BRCA1: variants seen among roughly 807,000 people sequenced by gnomAD.
BRCA1 encodes breast cancer type 1 susceptibility protein.
Under a neutral mutation model 173.7 loss-of-function variants are expected in BRCA1, and 140 were observed. The observed-to-expected ratio is 0.81, with a 90% confidence interval of 0.70 to 0.93. The LOEUF is 0.93. Among genes scored for constraint, BRCA1 ranks in the 40% least tolerant of loss-of-function variants. The pLI is 0.00. For synonymous variants in BRCA1, 662 were observed against 756.0 expected (o/e 0.88, Z 2.04); for missense variants, 1,983 against 2,172.5 (o/e 0.91, Z 1.73).
intron 2 of BRCA1, among the ~76,000 whole-genome samples, chr17:43,116,391 G>T (rs2154566415): frequency 6.6e-6 from 1 of 152,206 alleles, no homozygotes; most frequent in Middle Eastern, 3.4e-3. Flanking sequence ...TTTAAGATAA[G>T]GTCACACTCT....
chr17:43,059,166 C>A (rs2051636992), intron 18 of BRCA1, among the ~76,000 whole-genome samples: 1 of 152,086 alleles, frequency 6.6e-6, no homozygotes, highest in South Asian at 2.1e-4. Context: ...GTATACATCT[C>A]AAAATTCATG....
rs2052940373 is a variant in BRCA1, at chr17:43,080,211, C to T, written c.4357+2193G>A. On this transcript the variant is annotated intron_variant, in intron 12 of 22. Coordinates refer to ENST00000357654, the MANE Select transcript of BRCA1 (RefSeq NM_007294.4). Reference sequence around the variant, plus strand: ...ACCAAACATTTAATAAACTTACAGACTGCCCACTGTGTGCTAAGCATTGTA... The same window carrying T: ...ACCAAACATTTAATAAACTTACAGATTGCCCACTGTGTGCTAAGCATTGTA... Among the ~76,000 whole-genome samples, 3 of 152,316 alleles carry T rather than the reference C, an allele frequency of 2.0e-5. No homozygotes were observed. In the South Asian group the frequency reaches 6.2e-4, roughly 32 times the overall value.
At position 43,104,922 on chromosome 17, in the gene BRCA1, CA is replaced by C. The variant is rs886040039; in HGVS notation, c.246del (p.Val83LeufsTer5). ...CAAATGATTTTCAATAGCTCTTCAA[CA>C]AGTTGACTAAATCTCGTACTTTCTT... ...SLQESTRFSQ[L>X]VEELLKIICA... On this transcript the variant is annotated frameshift_variant, in exon 5 of 23. Transcript: ENST00000357654. LOFTEE classifies it high-confidence loss of function. 1.2e-6 allele frequency: 2 copies of C among 1,613,902 alleles called. No individual in the cohort carries two copies. The highest frequency in any genetic ancestry group is 1.7e-6 in the Non-Finnish European group (2 of 1,179,974).
intron 11 of BRCA1, among the ~76,000 whole-genome samples, chr17:43,090,547 G>A (rs946233021): frequency 2.0e-5 from 3 of 152,116 alleles, no homozygotes; most frequent in African/African-American, 7.2e-5. Flanking sequence ...GCTAATTTTT[G>A]TATTTTTAGT....
chr17:43,057,286 G>T, intron 18 of BRCA1, 151 bp from the exon 19 acceptor site: 1 of 746,852 alleles, frequency 1.3e-6, no homozygotes, highest in Admixed American at 1.9e-5. Flanking sequence ...GAGGCAGGCA[G>T]ATCACTTGAG....
rs3092995 is a variant in BRCA1, at chr17:43,045,642, G to A, written c.*36C>T. 3.1e-6 allele frequency: 5 copies of A among 1,613,324 alleles called. No individual in the cohort carries two copies. Among genetic ancestry groups the A allele is most frequent in the African/African-American group, 2.7e-5 (2 of 74,862 alleles). On this transcript the variant is annotated 3_prime_UTR_variant, in exon 23 of 23. Transcript: ENST00000357654. ...AAGGCCACTTTGTAAGCTCATTCTTGGGGTCCTGTGGCTCTGTACCTGTGG... is the reference window on the plus strand; with the variant it reads ...AAGGCCACTTTGTAAGCTCATTCTTAGGGTCCTGTGGCTCTGTACCTGTGG...
At chr17:43,127,733 A>C (rs553199924), upstream of BRCA1, among the ~76,000 whole-genome samples, 1 of 152,268 alleles carries the variant, frequency 6.6e-6, no homozygotes, top group African/African-American at 2.4e-5. Context: ...GAATAAAAGC[A>C]GGCTGCCCCG....
intron 19 of BRCA1, among the ~76,000 whole-genome samples, chr17:43,056,299 G>A (rs2051456166): frequency 6.6e-6 from 1 of 151,236 alleles, no homozygotes; most frequent in Non-Finnish European, 1.5e-5. Flanking sequence ...TCAGCCTTCC[G>A]AGTAGCTGGA....
chr17:43,062,276 G>A (rs955154799), intron 18 of BRCA1, among the ~76,000 whole-genome samples: 2 of 151,858 alleles, frequency 1.3e-5, no homozygotes, highest in Admixed American at 1.3e-4. Context: ...AAAAAATTTT[G>A]TGGAGACAGA....
intron 1 of BRCA1, chr17:43,145,078 G>A (rs1353460406): frequency 7.3e-6 from 6 of 817,772 alleles, no homozygotes; most frequent in Middle Eastern, 2.4e-4. Flanking sequence ...AGGCAGCAGC[G>A]AAGGATAAAT....
chr17:43,166,245 TCTTTC>T (rs2056267586), intron 1 of BRCA1: 1 of 152,172 alleles, frequency 6.6e-6, no homozygotes, highest in Admixed American at 6.6e-5. Flanking sequence ...CCTCTCTGTC[TCTTTC>T]CTTTCTCTCT....
rs914237371 is a variant in BRCA1, at chr17:43,111,837, AAAACAAAC to A, written c.134+3881_134+3888del. Among the ~76,000 whole-genome samples the A allele has an allele frequency of 5.3e-5, 8 of 152,210 alleles. No individual in the cohort carries two copies. In the East Asian group the frequency reaches 7.7e-4, roughly 15 times the overall value. ...ACTCCGTCTCAAAACAAAACAAACA[AAAACAAAC>A]AAACAAACAAACAAAAATAAAAAAA... On this transcript the variant is annotated intron_variant, in intron 3 of 22. Transcript: ENST00000357654.
chr17:43,045,983 C>T (rs1219127708), intron 22 of BRCA1, among the ~76,000 whole-genome samples, 181 bp from the exon 23 acceptor site: 11 of 143,926 alleles, frequency 7.6e-5, no homozygotes, highest in East Asian at 4.1e-4. Context: ...AGTGTGATGG[C>T]GCAATCTCGG....
chr17:43,072,304 G>A (rs916527405), intron 14 of BRCA1, among the ~76,000 whole-genome samples: 7 of 151,690 alleles, frequency 4.6e-5, no homozygotes, highest in African/African-American at 1.5e-4. Context: ...CAGGAGAATC[G>A]CTCGAACCCA....
chr17:43,112,873 G>A (rs935269568), intron 3 of BRCA1, among the ~76,000 whole-genome samples: 2 of 151,136 alleles, frequency 1.3e-5, no homozygotes, highest in Admixed American at 6.6e-5. Context: ...GCGCAATCTC[G>A]GCTCACTGCA....
intron 1 of BRCA1, chr17:43,164,917 G>A (rs1462054093): frequency 6.6e-6 from 1 of 152,202 alleles, no homozygotes; most frequent in Non-Finnish European, 1.5e-5. Flanking sequence ...TGTTTTAAAT[G>A]TGGGGACCTT....
At chr17:43,123,388 G>T (rs2055679739) in intron 2 of BRCA1, among the ~76,000 whole-genome samples, 2 of 118,354 alleles carry the variant, frequency 1.7e-5, no homozygotes. Flanking sequence ...ATGGAGTTTA[G>T]CTCTGTCGCT....
At position 43,101,995 on chromosome 17, in the gene BRCA1, T is replaced by C. The variant is rs544413754; in HGVS notation, c.442-2115A>G. Among the ~76,000 whole-genome samples the C allele has an allele frequency of 3.9e-5, 6 of 152,180 alleles. No homozygotes were observed. The South Asian group carries it at 1.0e-3, about 26-fold the overall frequency. On this transcript the variant is annotated intron_variant, in intron 6 of 22. Coordinates refer to ENST00000357654, the MANE Select transcript of BRCA1 (RefSeq NM_007294.4). The stretch of plus-strand genomic sequence containing the variant: ...TAGCTCAACTGCAGCCTTGACTCTC[T>C]ATGTTAAAGCAATGCTCCAGCCTCA...
At position 43,067,706 on chromosome 17, in the gene BRCA1, A is replaced by G. The variant is rs80358170; in HGVS notation, c.4987-11T>C. The G allele has an allele frequency of 6.2e-6, 10 of 1,600,650 alleles. No individual in the cohort carries two copies. Among genetic ancestry groups the G allele is most frequent in the Non-Finnish European group, 8.6e-6 (10 of 1,167,968 alleles). On this transcript the variant is annotated splice_polypyrimidine_tract_variant and intron_variant, in intron 15 of 22. Coordinates refer to ENST00000357654, the MANE Select transcript of BRCA1 (RefSeq NM_007294.4). ...CTTGTACACGAGCATCTGAAATTAA[A>G]TCAAATATTCCATTATCATGAGTTA...
Sources: gnomAD v4.1 joint callset for allele counts (sites outside exome capture counted in the v4.1 genomes callset) on GRCh38, gnomAD v4.1.1 for gene constraint, MANE v1.5 for transcripts, NCBI Gene and HGNC (gene_info 2026-07-23, HGNC 2026-07-21) for gene names.